The following ZNF385D variants were observed in gnomAD, a reference collection of about 807,000 sequenced individuals.
ZNF385D encodes zinc finger protein 385D, also known as zinc finger protein 659.
ZNF385D carries 15 observed loss-of-function variants against 35.8 expected under a neutral mutation model. That is an observed-to-expected ratio of 0.42 (90% CI 0.28 to 0.64). The LOEUF is 0.64. ZNF385D is among the 30% of genes least tolerant of loss of function. The pLI, the probability that ZNF385D is intolerant of heterozygous loss-of-function variation, is 0.23. For missense variants in ZNF385D, 474 were observed against 494.6 expected (o/e 0.96, Z 0.39); for synonymous variants, 212 against 186.8 (o/e 1.13, Z -1.10).
intron 3 of ZNF385D, among the ~76,000 whole-genome samples, chr3:21,990,568 A>G (rs1695092582): frequency 6.6e-6 from 1 of 152,226 alleles, no homozygotes; most frequent in Non-Finnish European, 1.5e-5. Flanking sequence ...CAGTAATTAT[A>G]TTTGTACTTA....
At chr3:21,428,576 T>A (rs905027973) in intron 5 of ZNF385D, among the ~76,000 whole-genome samples, 10 of 152,006 alleles carry the variant, frequency 6.6e-5, no homozygotes, top group Admixed American at 5.2e-4. Context: ...CCCCACCCCC[T>A]GCTTTTTCTC....
At chr3:21,506,990 G>A (rs1706814644) in intron 4 of ZNF385D, among the ~76,000 whole-genome samples, 2 of 151,984 alleles carry the variant, frequency 1.3e-5, no homozygotes, top group South Asian at 4.2e-4. Flanking sequence ...AAAAACCCAA[G>A]ATCATAAAGT....
At chr3:21,593,879 A>G (rs1231404089) in intron 2 of ZNF385D, among the ~76,000 whole-genome samples, 1 of 152,118 alleles carries the variant, frequency 6.6e-6, no homozygotes, top group Non-Finnish European at 1.5e-5. Context: ...TCTCAGAGCC[A>G]AGAGGCCTTC....
In ZNF385D at chr3:21,988,156, T is replaced by C. The variant is rs1432268084; in HGVS notation, c.325+180661A>G. On this transcript the variant is annotated intron_variant, in intron 3 of 5. Coordinates refer to the ZNF385D transcript ENST00000494108. ...AGAGTCATTTGATCATCTGAAGCCT[T>C]CTTCTCTCAACTCGTCAAAATCATT... Among the ~76,000 whole-genome samples, 6 of 131,874 alleles carry C rather than the reference T, an allele frequency of 4.5e-5. 1 individual carries two copies. The East Asian group carries it at 8.8e-4, about 19-fold the overall frequency. The allele number at this position is 131,874 out of a possible 152,430, so 86.5% of individuals were successfully genotyped here. A position where few individuals can be genotyped will look rare whatever the true frequency, so the allele number is the denominator to read the frequency against.
intron 3 of ZNF385D, among the ~76,000 whole-genome samples, chr3:21,946,539 T>C (rs1373238302): frequency 1.3e-5 from 2 of 151,382 alleles, no homozygotes; most frequent in African/African-American, 4.8e-5. Context: ...ATGTTAAAAC[T>C]TACTTTCTCA....
At chr3:22,204,979 CAAAAAA>C (rs761954306) in intron 2 of ZNF385D, among the ~76,000 whole-genome samples, 2 of 92,966 alleles carry the variant, frequency 2.2e-5, no homozygotes, top group Admixed American at 1.2e-4. Context: ...TGACCAAATC[CAAAAAA>C]AAAAAAAAAA....
At chr3:22,006,084 C>T (rs1696179559) in intron 3 of ZNF385D, among the ~76,000 whole-genome samples, 1 of 152,050 alleles carries the variant, frequency 6.6e-6, no homozygotes, top group Admixed American at 6.6e-5. Flanking sequence ...TAGTCAGTCA[C>T]CTCCTGGTTC....
chr3:21,570,041 A>G (rs1335287035), intron 2 of ZNF385D, among the ~76,000 whole-genome samples: 1 of 151,904 alleles, frequency 6.6e-6, no homozygotes, highest in African/African-American at 2.4e-5. Context: ...CATGTACCCT[A>G]AAACTTAAAG....
At chr3:21,845,303 G>T (rs797000661) in intron 3 of ZNF385D, among the ~76,000 whole-genome samples, 11 of 151,926 alleles carry the variant, frequency 7.2e-5, no homozygotes, top group African/African-American at 2.7e-4. Context: ...TGTGACTTTT[G>T]GTCTAATGGA....
chr3:22,074,636 G>C (rs1333956199), intron 3 of ZNF385D, among the ~76,000 whole-genome samples: 1 of 151,726 alleles, frequency 6.6e-6, no homozygotes, highest in Admixed American at 6.6e-5. Context: ...CACAATATAA[G>C]AAAAAACCTC....
intron 1 of ZNF385D, among the ~76,000 whole-genome samples, chr3:21,696,781 G>C (rs963234131): frequency 6.6e-6 from 1 of 152,180 alleles, no homozygotes. Flanking sequence ...ATCTACTCCT[G>C]AGTCAACCTC....
At chr3:21,454,965 T>C (rs922617644) in intron 4 of ZNF385D, among the ~76,000 whole-genome samples, 8 of 152,056 alleles carry the variant, frequency 5.3e-5, no homozygotes, top group African/African-American at 1.7e-4. Flanking sequence ...AGCTAAATCA[T>C]GAGTGAACTC....
chr3:21,649,396 T>C (rs376803701), intron 2 of ZNF385D, among the ~76,000 whole-genome samples: 2 of 152,042 alleles, frequency 1.3e-5, no homozygotes, highest in East Asian at 3.9e-4. Flanking sequence ...TAGATTGATG[T>C]CCCCAGGAAC....
At chr3:22,224,635 GA>G (rs1436591590) in intron 2 of ZNF385D, among the ~76,000 whole-genome samples, 1 of 152,192 alleles carries the variant, frequency 6.6e-6, no homozygotes, top group Non-Finnish European at 1.5e-5. Flanking sequence ...AACACTATAG[GA>G]AAGGCAGTAA....
intron 3 of ZNF385D, among the ~76,000 whole-genome samples, chr3:22,000,868 CA>C (rs1695797315): frequency 1.3e-5 from 2 of 148,756 alleles, no homozygotes; most frequent in Non-Finnish European, 1.5e-5. Context: ...GAATTCATTA[CA>C]ATTAGACCAG....
chr3:21,685,789 G>GA (rs1443980174), intron 1 of ZNF385D, among the ~76,000 whole-genome samples: 4 of 152,198 alleles, frequency 2.6e-5, no homozygotes, highest in Non-Finnish European at 5.9e-5. Context: ...TCCTAATTTA[G>GA]AAAATGAAGT....
chr3:22,185,501 C>T (rs575986935), intron 2 of ZNF385D, among the ~76,000 whole-genome samples: 1 of 152,224 alleles, frequency 6.6e-6, no homozygotes, highest in Non-Finnish European at 1.5e-5. Context: ...GATGGAGTCT[C>T]ACTCTGTCGT....
At chr3:21,720,866 G>A (rs556324974) in intron 1 of ZNF385D, among the ~76,000 whole-genome samples, 2 of 152,282 alleles carry the variant, frequency 1.3e-5, no homozygotes, top group East Asian at 3.9e-4. Context: ...TTCTCAGAAT[G>A]ATTTCCATAT....
chr3:22,037,400 T>C (rs377547327), intron 3 of ZNF385D, among the ~76,000 whole-genome samples: 67 of 151,762 alleles, frequency 4.4e-4, no homozygotes, highest in Admixed American at 9.2e-4. Context: ...TAATGATTGC[T>C]ATTCTAACTG....
Sources: allele counts gnomAD v4.1 joint callset (sites outside exome capture counted in the v4.1 genomes callset), GRCh38; gene constraint gnomAD v4.1.1; transcripts MANE v1.5; gene names NCBI Gene and HGNC (gene_info 2026-07-23, HGNC 2026-07-21).